The following SBF2 variants were observed in gnomAD, a reference collection of about 807,000 sequenced individuals.
SBF2 encodes SET binding factor 2.
Under a neutral mutation model 225.2 loss-of-function variants are expected in SBF2, and 112 were observed. That is an observed-to-expected ratio of 0.50 (90% confidence interval 0.43 to 0.58). The LOEUF (loss-of-function observed/expected upper bound fraction) is 0.58, where lower values mean the gene tolerates loss of function less well. SBF2 is among the 20% of genes least tolerant of loss of function. The pLI is 0.00. For synonymous variants in SBF2, 763 were observed against 773.3 expected (o/e 0.99, Z 0.22); for missense variants, 1,996 against 2,206.2 (o/e 0.90, Z 1.91).
At chr11:10,071,708 G>C (rs532454392) in intron 2 of SBF2, among the ~76,000 whole-genome samples, 1 of 152,286 alleles carries the variant, frequency 6.6e-6, no homozygotes, top group East Asian at 1.9e-4. Flanking sequence ...AGCATGAAGG[G>C]CTGTTGAATT....
At chr11:10,264,263 C>A (rs1270892728) in intron 1 of SBF2, among the ~76,000 whole-genome samples, 1 of 152,066 alleles carries the variant, frequency 6.6e-6, no homozygotes, top group Non-Finnish European at 1.5e-5. Flanking sequence ...CAAATACTCA[C>A]AATACTTCAG....
intron 2 of SBF2, among the ~76,000 whole-genome samples, chr11:10,133,371 G>T (rs571536638): frequency 6.7e-6 from 1 of 149,568 alleles, no homozygotes; most frequent in African/African-American, 2.5e-5. Flanking sequence ...GCTTGTCGGG[G>T]AGGCTCGGGC....
intron 28 of SBF2, 31 bp from the exon 29 acceptor site, chr11:9,817,055 T>A (rs988832453): frequency 1.2e-6 from 2 of 1,612,254 alleles, no homozygotes. Context: ...TGGAGTGAGA[T>A]AATCTAATGT....
chr11:9,887,763 A>G (rs957081229), intron 17 of SBF2, among the ~76,000 whole-genome samples: 9 of 152,020 alleles, frequency 5.9e-5, no homozygotes, highest in East Asian at 1.9e-4. Context: ...TTTACAGCAG[A>G]AAAAAACGAT....
intron 17 of SBF2, among the ~76,000 whole-genome samples, chr11:9,895,639 T>C (rs998731050): frequency 4.6e-5 from 7 of 152,182 alleles, no homozygotes; most frequent in Non-Finnish European, 1.0e-4. Flanking sequence ...ATTTACTTTC[T>C]GTGATGGGGA....
At chr11:9,944,346 A>C (rs1466913417) in intron 16 of SBF2, among the ~76,000 whole-genome samples, 2 of 152,186 alleles carry the variant, frequency 1.3e-5, no homozygotes, top group African/African-American at 4.8e-5. Context: ...ACACAGATAT[A>C]TTTTACTATT....
At chr11:9,900,124 A>G (rs569754252) in intron 16 of SBF2, among the ~76,000 whole-genome samples, 11 of 151,926 alleles carry the variant, frequency 7.2e-5, no homozygotes, top group Non-Finnish European at 2.9e-5. Context: ...TTGTAAACCC[A>G]GTTTCACTGA....
At chr11:9,952,163 T>G (rs569277557) in intron 16 of SBF2, among the ~76,000 whole-genome samples, 1 of 152,356 alleles carries the variant, frequency 6.6e-6, no homozygotes. Context: ...CACAACCTCC[T>G]TGTTTGCAGC....
intron 2 of SBF2, among the ~76,000 whole-genome samples, chr11:10,090,784 A>AAAAAAAAAAAAAC: frequency 1.3e-5 from 2 of 150,222 alleles, no homozygotes; most frequent in Non-Finnish European, 3.0e-5. Context: ...AAAAAAAAAA[A>AAAAAAAAAAAAAC]AGCTATTAGA....
In SBF2 at chr11:10,060,872, C is replaced by T. The variant is rs533066371; in HGVS notation, c.142-17891G>A. 3.9e-5 allele frequency among the ~76,000 whole-genome samples: 6 copies of T among 152,002 alleles called. No homozygotes were observed. In the South Asian group the frequency reaches 6.2e-4, roughly 16 times the overall value. On this transcript the variant is annotated intron_variant, in intron 2 of 39. Coordinates refer to ENST00000256190, the MANE Select transcript of SBF2 (RefSeq NM_030962.4). ...TTAAACCCTGTCTCTACTAAAAATA[C>T]AAAAAATTAGCCAGGCGTGGTAGTG...
At chr11:10,247,626 C>G (rs1265982613) in intron 1 of SBF2, among the ~76,000 whole-genome samples, 2 of 151,918 alleles carry the variant, frequency 1.3e-5, no homozygotes, top group African/African-American at 4.8e-5. Context: ...ACCCAGGAGG[C>G]AGAGATTGCA....
chr11:9,780,213 G>T lies in SBF2; in HGVS notation c.*205C>A, dbSNP rs1851919403. The T allele has an allele frequency of 4.9e-6, 3 of 610,272 alleles. No homozygotes were observed. Among genetic ancestry groups the T allele is most frequent in the African/African-American group, 1.8e-5 (1 of 54,602 alleles). 37.8% of individuals were successfully genotyped at this position (610,272 alleles called of 1,614,324 possible). ...AGAAAAATTTAGTGCAAGATACAGG[G>T]AGTGCATGGGGCTGTTGACCAGACC... On this transcript the variant is annotated 3_prime_UTR_variant, in exon 40 of 40. Coordinates refer to ENST00000256190, the MANE Select transcript of SBF2 (RefSeq NM_030962.4).
intron 28 of SBF2, chr11:9,828,356 T>C (rs1855186835): frequency 1.7e-6 from 2 of 1,165,716 alleles, no homozygotes; most frequent in African/African-American, 1.6e-5. Context: ...AAAGCTTTAT[T>C]AGAGATAACA....
chr11:10,025,925 T>C (rs1949036925), intron 6 of SBF2, among the ~76,000 whole-genome samples: 1 of 152,160 alleles, frequency 6.6e-6, no homozygotes, highest in Admixed American at 6.5e-5. Flanking sequence ...TATATTTGTG[T>C]ATCTTTTCAA....
Position 10,042,972 on chromosome 11 carries a change from G to C in SBF2, c.151C>G (p.Pro51Ala). 6.2e-7 allele frequency: 1 copy of C among 1,613,484 alleles called. No individual in the cohort carries two copies. Among genetic ancestry groups the C allele is most frequent in the Non-Finnish European group, 8.5e-7 (1 of 1,179,722 alleles). Reference protein sequence around the residue: ...FPQGIELFCQPGGWQLSRERK... With the variant: ...FPQGIELFCQAGGWQLSRERK... ...TCTCTGGACAGCTGCCACCCGCCAGGCTGACAAAACTAAATGAAATAGAAA... is the reference window on the plus strand; with the variant it reads ...TCTCTGGACAGCTGCCACCCGCCAGCCTGACAAAACTAAATGAAATAGAAA... Residue 51 changes from proline to alanine, a missense_variant, in exon 3 of 40, where the codon CCT (proline) becomes GCT (alanine). By Grantham distance (27) the Pro-to-Ala change is conservative (BLOSUM62 -1). Transcript: ENST00000256190.
chr11:10,029,833 TC>T lies in SBF2; in HGVS notation c.444del (p.Asn149MetfsTer7), dbSNP rs1295003959. ...GLIYTVYVDS[L>X]NVSLESLIAN... ...GCAATTAGACTTTCCAAGGAGACAT[TC>T]AGGCTGTCCACATACACGGTATAGA... is the stretch of plus-strand genomic sequence containing the variant. On this transcript the variant is annotated frameshift_variant, in exon 5 of 40. Coordinates refer to ENST00000256190, the MANE Select transcript of SBF2 (RefSeq NM_030962.4). LOFTEE classifies it high-confidence loss of function. 6.2e-7 allele frequency: 1 copy of T among 1,613,796 alleles called. No homozygotes were observed. Among genetic ancestry groups the T allele is most frequent in the African/African-American group, 1.3e-5 (1 of 74,886 alleles).
chr11:10,185,669 A>C (rs1215812392), intron 2 of SBF2, among the ~76,000 whole-genome samples: 2 of 148,042 alleles, frequency 1.4e-5, no homozygotes, highest in Non-Finnish European at 3.0e-5. Context: ...ATAGTATCTT[A>C]TGGTGGCTTT....
At chr11:9,977,165 T>C (rs1946733524) in intron 13 of SBF2, among the ~76,000 whole-genome samples, 1 of 152,078 alleles carries the variant, frequency 6.6e-6, no homozygotes, top group African/African-American at 2.4e-5. Context: ...AAACATTTAT[T>C]AGTGGTCCTT....
At chr11:9,941,486 G>A (rs1042423251) in intron 16 of SBF2, among the ~76,000 whole-genome samples, 2 of 152,156 alleles carry the variant, frequency 1.3e-5, no homozygotes, top group Non-Finnish European at 2.9e-5. Flanking sequence ...ATTTTTTGAC[G>A]TTAGTATAAC....
Sources: gnomAD v4.1 joint callset for allele counts (sites outside exome capture counted in the v4.1 genomes callset) on GRCh38, gnomAD v4.1.1 for gene constraint, MANE v1.5 for transcripts, NCBI Gene and HGNC (gene_info 2026-07-23, HGNC 2026-07-21) for gene names.